LRP1B: variants seen among roughly 807,000 people sequenced by gnomAD.
The protein encoded by LRP1B is LDL receptor related protein 1B.
A neutral mutation model predicts 556.6 loss-of-function variants in LRP1B; 217 were observed. The ratio of observed to expected loss-of-function variants is 0.39; its 90% confidence interval spans 0.35 to 0.44. The LOEUF (loss-of-function observed/expected upper bound fraction) is 0.44, where lower values mean the gene tolerates loss of function less well. LRP1B is among the 20% of genes least tolerant of loss of function. The probability of loss-of-function intolerance (pLI) is 1.00; values close to 1 mark genes in which losing one functional copy is unlikely to be tolerated. For missense variants in LRP1B, 5,053 were observed against 5,620.8 expected, an observed-to-expected ratio of 0.90 and a Z score of 3.23; for synonymous variants, 2,047 against 1,865.8, an observed-to-expected ratio of 1.10 and a Z score of -2.50.
At chr2:141,777,302 T>C (rs115529569) in intron 2 of LRP1B, among the ~76,000 whole-genome samples, 1,632 of 152,316 alleles carry the variant, frequency 0.011, 36 homozygotes, top group African/African-American at 0.038. Flanking sequence ...AGAGAAGCTA[T>C]GAAATATGTT....
intron 35 of LRP1B, among the ~76,000 whole-genome samples, chr2:140,744,161 G>T (rs1056621059): frequency 6.6e-6 from 1 of 151,436 alleles, no homozygotes; most frequent in African/African-American, 2.4e-5. Context: ...TTTGATAGTG[G>T]TTATCATTAT....
At chr2:141,027,988 G>A (rs1039525734) in intron 11 of LRP1B, among the ~76,000 whole-genome samples, 2 of 152,060 alleles carry the variant, frequency 1.3e-5, no homozygotes, top group Non-Finnish European at 2.9e-5. Flanking sequence ...TTTCTGTTGT[G>A]TATAAGTCAC....
In LRP1B at chr2:142,018,107, A is replaced by C. The variant is rs1319525602; in HGVS notation, c.82+112541T>G. Among the ~76,000 whole-genome samples the C allele has an allele frequency of 3.3e-5, 5 of 152,216 alleles. 1 individual carries two copies. The highest frequency in any genetic ancestry group is 3.3e-4 in the Admixed American group (5 of 15,274). ...GATTTTCTCTGTGTTGATGTGAAAT[A>C]GTTAATGTCCTTTATGTGGCTAGAA... is the stretch of plus-strand genomic sequence containing the variant. On this transcript the variant is annotated intron_variant, in intron 1 of 90. Coordinates refer to ENST00000389484, the MANE Select transcript of LRP1B (RefSeq NM_018557.3).
intron 36 of LRP1B, 131 bp downstream of exon 36, chr2:140,716,551 G>T: frequency 1.2e-6 from 1 of 856,600 alleles, no homozygotes. Flanking sequence ...AAGCAAAAGA[G>T]ACTATTTACC....
chr2:141,788,995 T>C (rs1045564370), intron 2 of LRP1B, among the ~76,000 whole-genome samples: 3 of 151,978 alleles, frequency 2.0e-5, no homozygotes, highest in African/African-American at 4.8e-5. Context: ...AATAAACATA[T>C]GTGTGCATGT....
intron 7 of LRP1B, among the ~76,000 whole-genome samples, chr2:141,187,094 T>C (rs1406583891): frequency 6.6e-6 from 1 of 152,104 alleles, no homozygotes; most frequent in African/African-American, 2.4e-5. Context: ...TTTCCAATTC[T>C]TTCTTACTGC....
chr2:141,645,124 G>T (rs924135996), intron 2 of LRP1B, among the ~76,000 whole-genome samples: 2 of 152,002 alleles, frequency 1.3e-5, no homozygotes, highest in Non-Finnish European at 2.9e-5. Flanking sequence ...GAGTATTGGG[G>T]GTAAGTTATA....
chr2:141,240,635 A>T (rs1169104362), intron 5 of LRP1B, among the ~76,000 whole-genome samples: 1 of 152,056 alleles, frequency 6.6e-6, no homozygotes, highest in East Asian at 1.9e-4. Context: ...CACATTCTAA[A>T]TTGAGGATTT....
intron 59 of LRP1B, 49 bp downstream of exon 59, chr2:140,485,294 G>T (rs753757550): frequency 4.9e-6 from 7 of 1,430,214 alleles, no homozygotes; most frequent in Non-Finnish European, 4.8e-6. Flanking sequence ...TTACTACTAT[G>T]AATGTAATCC....
At chr2:141,595,642 G>C (rs1389783849) in intron 2 of LRP1B, among the ~76,000 whole-genome samples, 1 of 152,050 alleles carries the variant, frequency 6.6e-6, no homozygotes, top group African/African-American at 2.4e-5. Context: ...AAATTCTGCA[G>C]ATAATATGAC....
chr2:140,669,770 G>A (rs16844451), intron 41 of LRP1B, among the ~76,000 whole-genome samples: 9,876 of 151,944 alleles, frequency 0.065, 665 homozygotes, highest in East Asian at 0.32. Flanking sequence ...TAAAGATTAA[G>A]GAATTTTTGT....
At chr2:140,557,086 A>G (rs532045433) in intron 43 of LRP1B, among the ~76,000 whole-genome samples, 15 of 152,236 alleles carry the variant, frequency 9.9e-5, no homozygotes, top group Non-Finnish European at 1.8e-4. Flanking sequence ...TTAACTATGC[A>G]TCTAGTTTTC....
At chr2:140,742,872 A>C (rs919137844) in intron 35 of LRP1B, among the ~76,000 whole-genome samples, 2 of 152,214 alleles carry the variant, frequency 1.3e-5, no homozygotes, top group Non-Finnish European at 2.9e-5. Flanking sequence ...TAATAATATG[A>C]CATAATACGT....
chr2:140,246,971 A>T, intron 87 of LRP1B, 115 bp downstream of exon 87: 2 of 689,124 alleles, frequency 2.9e-6, no homozygotes, highest in Non-Finnish European at 5.1e-6. Flanking sequence ...ATTGCAGTGG[A>T]TCTCTTATAA....
At chr2:141,463,677 G>C (rs1018576470) in intron 3 of LRP1B, among the ~76,000 whole-genome samples, 15 of 131,188 alleles carry the variant, frequency 1.1e-4, no homozygotes, top group African/African-American at 4.1e-4. Flanking sequence ...AAAATTATTT[G>C]CTAATAAGTG....
intron 35 of LRP1B, among the ~76,000 whole-genome samples, chr2:140,757,175 C>A (rs1688768203): frequency 6.6e-6 from 1 of 152,148 alleles, no homozygotes; most frequent in East Asian, 1.9e-4. Context: ...AATGTGCAGA[C>A]AATGAAACCC....
intron 79 of LRP1B, among the ~76,000 whole-genome samples, chr2:140,332,115 A>G (rs1680847362): frequency 2.0e-5 from 3 of 152,070 alleles, no homozygotes; most frequent in African/African-American, 7.2e-5. Context: ...GACTCCAATG[A>G]AGAGCTTTTT....
At chr2:142,111,393 T>A (rs866341737) in intron 1 of LRP1B, among the ~76,000 whole-genome samples, 2 of 152,046 alleles carry the variant, frequency 1.3e-5, no homozygotes, top group East Asian at 3.9e-4. Context: ...CTAATGTGTG[T>A]TTTGTAAATT....
chr2:141,013,577 A>G lies in LRP1B; in HGVS notation c.2359T>C (p.Tyr787His). ...ERPPLFGLQIYDPRKQQGDNM... is the reference protein window; with the variant it reads ...ERPPLFGLQIHDPRKQQGDNM... ...ATACCTTGTTGCTTTCGTGGATCAT[A>G]AATCTGAAGCCCAAATAGGGGTGGT... Residue 787 changes from tyrosine to histidine, a missense_variant, in exon 14 of 91, where the codon TAT becomes CAT. Tyr to His is a moderately conservative substitution (Grantham distance 83). Around this residue, in one of 5 missense-constraint regions of LRP1B, gnomAD observed 3,619 missense variants for 3,931.9 expected, o/e 0.92. Coordinates refer to ENST00000389484, the MANE Select transcript of LRP1B (RefSeq NM_018557.3). The G allele has an allele frequency of 6.2e-7, 1 of 1,608,844 alleles. No homozygotes were observed. The highest frequency in any genetic ancestry group is 8.5e-7 in the Non-Finnish European group (1 of 1,178,002).
Sources: gnomAD v4.1 joint callset for allele counts (sites outside exome capture counted in the v4.1 genomes callset) on GRCh38, gnomAD v4.1.1 for gene constraint, gnomAD v4.1.1 regional missense constraint, MANE v1.5 for transcripts, NCBI Gene and HGNC (gene_info 2026-07-23, HGNC 2026-07-21) for gene names.